Variants in CCDC14 observed in about 807,000 individuals in gnomAD.
The protein encoded by CCDC14 is coiled-coil domain-containing protein 14.
Under a neutral mutation model 81.4 loss-of-function variants are expected in CCDC14, and 71 were observed. The ratio of observed to expected loss-of-function variants is 0.87; its 90% confidence interval spans 0.72 to 1.06. The LOEUF is 1.06. Among genes scored for constraint, CCDC14 ranks in the 50% least tolerant of loss-of-function variants. The pLI is 0.00. For missense variants in CCDC14, 1,046 were observed against 1,047.3 expected (o/e 1.00, Z 0.02); for synonymous variants, 332 against 364.8 (o/e 0.91, Z 1.03).
chr3:123,948,342 A>T (rs1484433986), intron 7 of CCDC14, among the ~76,000 whole-genome samples: 2 of 151,784 alleles, frequency 1.3e-5, no homozygotes, highest in Non-Finnish European at 2.9e-5. Context: ...TCCCGGTTCA[A>T]GTAATTCTCC....
At chr3:123,954,410 A>C (rs1362126463) in intron 5 of CCDC14, 1 of 152,238 alleles carries the variant, frequency 6.6e-6, no homozygotes, top group Non-Finnish European at 1.5e-5. Flanking sequence ...ACACAATAAA[A>C]TAACTAAACA....
chr3:123,948,798 G>A lies in CCDC14; in HGVS notation c.590-13C>T. ...GTTGCCTGAGATTCTGTAAGTAAGAGGGAGAAAAAATTAATCACATATCCT... is the reference window on the plus strand; with the variant it reads ...GTTGCCTGAGATTCTGTAAGTAAGAAGGAGAAAAAATTAATCACATATCCT... On this transcript the variant is annotated splice_polypyrimidine_tract_variant and intron_variant, in intron 6 of 12. Transcript: ENST00000409697. The A allele has an allele frequency of 6.3e-7, 1 of 1,588,060 alleles. No individual in the cohort carries two copies. The highest frequency in any genetic ancestry group is 1.9e-5 in the Admixed American group (1 of 53,318).
At chr3:123,906,421 CAA>C (rs2034312433) in intron 5 of CCDC14, among the ~76,000 whole-genome samples, 1 of 130,114 alleles carries the variant, frequency 7.7e-6, no homozygotes, top group Non-Finnish European at 1.6e-5. Flanking sequence ...TAAGAATAGA[CAA>C]AGAAATGAAA....
chr3:123,904,444 A>C (rs2034253627), intron 5 of CCDC14, among the ~76,000 whole-genome samples: 1 of 152,136 alleles, frequency 6.6e-6, no homozygotes, highest in African/African-American at 2.4e-5. Context: ...TGATGAAAAA[A>C]ATAGCAAGCA....
At chr3:123,938,601 T>C (rs904494082) in intron 9 of CCDC14, among the ~76,000 whole-genome samples, 2 of 151,926 alleles carry the variant, frequency 1.3e-5, no homozygotes, top group Admixed American at 6.6e-5. Flanking sequence ...TCTTCTTGCC[T>C]TACTGCACTT....
chr3:123,918,446 G>A (rs946864001), intron 12 of CCDC14, among the ~76,000 whole-genome samples: 1 of 152,150 alleles, frequency 6.6e-6, no homozygotes, highest in East Asian at 1.9e-4. Context: ...CCCCCTCATA[G>A]AAATCGAACT....
At chr3:123,894,745 T>C (rs1484578495), downstream of CCDC14, among the ~76,000 whole-genome samples, 1 of 152,242 alleles carries the variant, frequency 6.6e-6, no homozygotes, top group East Asian at 1.9e-4. Context: ...CTTTTTCAGA[T>C]TATTTATTGC....
intron 9 of CCDC14, among the ~76,000 whole-genome samples, chr3:123,934,281 A>AAAC (rs1168725213): frequency 6.8e-4 from 103 of 150,490 alleles, no homozygotes; most frequent in Non-Finnish European, 8.7e-4. Flanking sequence ...AAAAAAAAAA[A>AAAC]AAAAAAAAAA....
chr3:123,948,142 T>A (rs2036765537), intron 7 of CCDC14, among the ~76,000 whole-genome samples: 1 of 152,050 alleles, frequency 6.6e-6, no homozygotes, highest in African/African-American at 2.4e-5. Context: ...TGTACTTGGG[T>A]GGTCAGTATG....
At chr3:123,941,000 T>C (rs1385278378) in intron 9 of CCDC14, among the ~76,000 whole-genome samples, 3 of 152,096 alleles carry the variant, frequency 2.0e-5, no homozygotes, top group Non-Finnish European at 4.4e-5. Context: ...CTGAACATCA[T>C]CCTTGACTCC....
intron 5 of CCDC14, among the ~76,000 whole-genome samples, chr3:123,906,263 G>A (rs1054745089): frequency 6.6e-6 from 1 of 152,090 alleles, no homozygotes; most frequent in Non-Finnish European, 1.5e-5. Flanking sequence ...ACGGGAGGCG[G>A]AGTTTGCAGT....
chr3:123,957,844 C>G (rs922666601), intron 1 of CCDC14: 2 of 151,844 alleles, frequency 1.3e-5, no homozygotes, highest in African/African-American at 4.8e-5. Flanking sequence ...GTCCCTGATT[C>G]CCCCCCTAGT....
intron 12 of CCDC14, among the ~76,000 whole-genome samples, chr3:123,927,521 G>C (rs1404186407): frequency 6.6e-6 from 1 of 152,168 alleles, no homozygotes; most frequent in Non-Finnish European, 1.5e-5. Flanking sequence ...CTCTACATGA[G>C]ATACTGTGCT....
chr3:123,918,605 A>C (rs989469305), intron 12 of CCDC14, among the ~76,000 whole-genome samples: 2 of 152,180 alleles, frequency 1.3e-5, no homozygotes, highest in Admixed American at 6.5e-5. Flanking sequence ...GTTAAGTACC[A>C]CACAGAGAGG....
chr3:123,921,730 G>A (rs1182555657), intron 12 of CCDC14, among the ~76,000 whole-genome samples: 1 of 152,040 alleles, frequency 6.6e-6, no homozygotes, highest in Non-Finnish European at 1.5e-5. Context: ...TAACACTAAC[G>A]ACAGCTGATG....
intron 12 of CCDC14, among the ~76,000 whole-genome samples, chr3:123,920,008 A>G (rs2034948899): frequency 2.0e-5 from 3 of 152,232 alleles, no homozygotes; most frequent in Admixed American, 2.0e-4. Flanking sequence ...TAAAAAATTA[A>G]ATGAAATTTG....
intron 5 of CCDC14, among the ~76,000 whole-genome samples, chr3:123,906,120 G>T (rs149952632): frequency 6.6e-6 from 1 of 152,084 alleles, no homozygotes; most frequent in African/African-American, 2.4e-5. Context: ...ATGAGGTCAG[G>T]AGATCGAGAC....
At chr3:123,918,639 A>G (rs1489140035) in intron 12 of CCDC14, among the ~76,000 whole-genome samples, 1 of 152,210 alleles carries the variant, frequency 6.6e-6, no homozygotes, top group Non-Finnish European at 1.5e-5. Flanking sequence ...TGCAGTTTCT[A>G]CCACAGAAAA....
intron 9 of CCDC14, among the ~76,000 whole-genome samples, chr3:123,935,921 G>A (rs1157488949): frequency 1.3e-5 from 2 of 151,998 alleles, no homozygotes; most frequent in Non-Finnish European, 2.9e-5. Flanking sequence ...TGGTCCCAGG[G>A]TGTATCCATA....
Sources: allele counts gnomAD v4.1 joint callset (sites outside exome capture counted in the v4.1 genomes callset), GRCh38; gene constraint gnomAD v4.1.1; transcripts MANE v1.5; gene names NCBI Gene and HGNC (gene_info 2026-07-23, HGNC 2026-07-21).